TCF7L1: variants seen among roughly 807,000 people sequenced by gnomAD.
The protein encoded by TCF7L1 is transcription factor 7-like 1.
TCF7L1 carries 18 observed loss-of-function variants against 63.7 expected under a neutral mutation model. That is an observed-to-expected ratio of 0.28 (90% CI 0.20 to 0.42). TCF7L1 has a LOEUF of 0.42. TCF7L1 is among the 10% of genes least tolerant of loss of function. TCF7L1 has a pLI of 1.00. For synonymous variants in TCF7L1, 355 were observed against 340.9 expected, an observed-to-expected ratio of 1.04 and a Z score of -0.46; for missense variants, 654 against 779.3, an observed-to-expected ratio of 0.84 and a Z score of 1.91.
At chr2:85,224,380 G>A (rs1654441582) in intron 3 of TCF7L1, among the ~76,000 whole-genome samples, 1 of 152,162 alleles carries the variant, frequency 6.6e-6, no homozygotes, top group African/African-American at 2.4e-5. Context: ...TTCCACAATG[G>A]TTGAACTAAT....
At chr2:85,308,689 G>C (rs1682201399) in intron 11 of TCF7L1, among the ~76,000 whole-genome samples, 1 of 151,884 alleles carries the variant, frequency 6.6e-6, no homozygotes, top group African/African-American at 2.4e-5. Context: ...CACTCTCTCT[G>C]ACTGTATTAA....
intron 4 of TCF7L1, among the ~76,000 whole-genome samples, chr2:85,291,370 A>G (rs1428564135): frequency 6.6e-6 from 1 of 152,192 alleles, no homozygotes; most frequent in Non-Finnish European, 1.5e-5. Flanking sequence ...TTCATCACTC[A>G]CAAGTTCTAC....
At chr2:85,290,295 A>G (rs1317981545) in intron 4 of TCF7L1, among the ~76,000 whole-genome samples, 2 of 152,100 alleles carry the variant, frequency 1.3e-5, no homozygotes, top group Non-Finnish European at 2.9e-5. Context: ...TTTTTAAGCT[A>G]AAGTTAGCAT....
At chr2:85,164,077 C>T (rs192526245) in intron 3 of TCF7L1, among the ~76,000 whole-genome samples, 16 of 152,034 alleles carry the variant, frequency 1.1e-4, no homozygotes, top group Admixed American at 2.0e-4. Flanking sequence ...TCTTCCAAGC[C>T]GGCCACTTTG....
At chr2:85,230,204 C>T (rs771062376) in intron 3 of TCF7L1, among the ~76,000 whole-genome samples, 3 of 152,078 alleles carry the variant, frequency 2.0e-5, no homozygotes, top group Non-Finnish European at 4.4e-5. Context: ...TTTAGAAACT[C>T]GGGTTTTTCT....
chr2:85,186,203 G>A (rs890875922), intron 3 of TCF7L1, among the ~76,000 whole-genome samples: 1 of 152,026 alleles, frequency 6.6e-6, no homozygotes, highest in Admixed American at 6.6e-5. Flanking sequence ...TCCTGACCTC[G>A]TGATCCGCCT....
chr2:85,198,752 T>C (rs1363774480), intron 3 of TCF7L1, among the ~76,000 whole-genome samples: 4 of 152,174 alleles, frequency 2.6e-5, no homozygotes, highest in African/African-American at 9.7e-5. Flanking sequence ...TCCTAGCTAC[T>C]CTGGAGGCTG....
intron 3 of TCF7L1, among the ~76,000 whole-genome samples, chr2:85,193,159 C>T (rs532414271): frequency 6.6e-6 from 1 of 152,306 alleles, no homozygotes; most frequent in South Asian, 2.1e-4. Flanking sequence ...GGCTAAAATG[C>T]CCATGGCTTC....
chr2:85,174,227 C>T (rs1446870195), intron 3 of TCF7L1, among the ~76,000 whole-genome samples: 1 of 152,150 alleles, frequency 6.6e-6, no homozygotes, highest in Non-Finnish European at 1.5e-5. Context: ...TAAAGGGAAT[C>T]GTACAGTGTG....
At chr2:85,289,090 A>G (rs1681625389) in intron 4 of TCF7L1, among the ~76,000 whole-genome samples, 1 of 152,222 alleles carries the variant, frequency 6.6e-6, no homozygotes, top group African/African-American at 2.4e-5. Flanking sequence ...TAATTTTAAA[A>G]AATCTTTTTT....
At chr2:85,216,265 T>C (rs547349012) in intron 3 of TCF7L1, among the ~76,000 whole-genome samples, 4 of 152,282 alleles carry the variant, frequency 2.6e-5, no homozygotes, top group African/African-American at 4.8e-5. Flanking sequence ...GGCAGCTTTT[T>C]TCCCCCCATC....
intron 7 of TCF7L1, 116 bp downstream of exon 7, chr2:85,304,454 C>CA: frequency 9.4e-7 from 1 of 1,068,560 alleles, no homozygotes. Context: ...ACCCTCCCCC[C>CA]ACCTCTCTTT....
At chr2:85,177,654 A>G (rs1005806647) in intron 3 of TCF7L1, among the ~76,000 whole-genome samples, 5 of 152,150 alleles carry the variant, frequency 3.3e-5, no homozygotes, top group South Asian at 4.1e-4. Context: ...GCAGTGAGCC[A>G]TGATTGCGCC....
At chr2:85,264,107 C>A (rs1228970333) in intron 3 of TCF7L1, among the ~76,000 whole-genome samples, 3 of 152,096 alleles carry the variant, frequency 2.0e-5, no homozygotes, top group Non-Finnish European at 4.4e-5. Context: ...AGCACAGGGC[C>A]CATCCAACTG....
Position 85,197,208 on chromosome 2 carries a change from C to T in TCF7L1, c.441+62758C>T, listed in dbSNP as rs185106699. Among the ~76,000 whole-genome samples, 23 of 152,314 alleles carry T rather than the reference C, an allele frequency of 1.5e-4. No individual in the cohort carries two copies. In the East Asian group the frequency reaches 3.9e-3, roughly 26 times the overall value. ...GGTAGATCACCTGAGGTCAGGAGTT[C>T]GAGACCAGCCTGGCCGACACGGTGA... is the stretch of plus-strand genomic sequence containing the variant. On this transcript the variant is annotated intron_variant, in intron 3 of 11. Coordinates refer to ENST00000282111, the MANE Select transcript of TCF7L1 (RefSeq NM_031283.3).
intron 3 of TCF7L1, among the ~76,000 whole-genome samples, chr2:85,192,283 G>A (rs1408099126): frequency 1.3e-5 from 2 of 152,184 alleles, no homozygotes; most frequent in African/African-American, 4.8e-5. Flanking sequence ...GTCAGCTACC[G>A]CCCCTCTCCC....
rs1194980419 is a variant in TCF7L1 at position 85,133,821 on chromosome 2, G to A, written c.137G>A (p.Gly46Asp). The A allele has an allele frequency of 3.4e-6, 5 of 1,477,922 alleles. No individual in the cohort carries two copies. Among genetic ancestry groups the A allele is most frequent in the Non-Finnish European group, 4.5e-6 (5 of 1,112,304 alleles). The allele number at this position is 1,477,922 out of a possible 1,614,324, so 91.6% of individuals were successfully genotyped here. ...DELIPFQDEG[G>D]EEQEPSSDSA... Reference sequence around the variant, plus strand: ...CTGATCCCCTTCCAGGACGAGGGGGGCGAGGAGCAGGAGCCGAGCAGCGAT... The same window carrying A: ...CTGATCCCCTTCCAGGACGAGGGGGACGAGGAGCAGGAGCCGAGCAGCGAT... Residue 46 changes from glycine (G) to aspartate (D), a missense_variant, in exon 1 of 12, where the codon GGC (glycine) becomes GAC (aspartate). Gly to Asp is a moderately conservative substitution (Grantham distance 94, BLOSUM62 -1). Around this residue, in one of 3 missense-constraint regions of TCF7L1, gnomAD observed 404 missense variants for 454.8 expected, o/e 0.89. Transcript: ENST00000282111. The surrounding 1 kb of genome is among the most constrained non-coding windows in gnomAD (Gnocchi z 4.4).
intron 3 of TCF7L1, among the ~76,000 whole-genome samples, chr2:85,236,617 T>G (rs1680198284): frequency 6.6e-6 from 1 of 152,108 alleles, no homozygotes; most frequent in African/African-American, 2.4e-5. Flanking sequence ...GTCAGGTAAT[T>G]TCTTGGAAAG....
intron 3 of TCF7L1, among the ~76,000 whole-genome samples, chr2:85,263,764 G>C (rs1558650178): frequency 6.6e-6 from 1 of 152,230 alleles, no homozygotes; most frequent in African/African-American, 2.4e-5. Flanking sequence ...AGATGAGCGT[G>C]ATCACCGCGT....
Sources: allele counts gnomAD v4.1 joint callset (sites outside exome capture counted in the v4.1 genomes callset), GRCh38; gene constraint gnomAD v4.1.1; regional missense constraint gnomAD v4.1.1; non-coding constraint Gnocchi (gnomAD v3.1); transcripts MANE v1.5; gene names NCBI Gene and HGNC (gene_info 2026-07-23, HGNC 2026-07-21).